PCDH15: variants seen among roughly 807,000 people sequenced by gnomAD.
The protein encoded by PCDH15 is protocadherin related 15.
Under a neutral mutation model 178.5 loss-of-function variants are expected in PCDH15, and 129 were observed. The ratio of observed to expected loss-of-function variants is 0.72; its 90% CI spans 0.63 to 0.84. The LOEUF (loss-of-function observed/expected upper bound fraction) is 0.84, where lower values mean the gene tolerates loss of function less well. PCDH15 is among the 40% of genes least tolerant of loss of function. The probability of loss-of-function intolerance (pLI) is 0.00; values close to 1 mark genes in which losing one functional copy is unlikely to be tolerated. For synonymous variants in PCDH15, 800 were observed against 732.0 expected (o/e 1.09, Z -1.50); for missense variants, 2,230 against 2,099.9 (o/e 1.06, Z -1.21).
rs764625426 is a variant in PCDH15 at position 54,213,922 on chromosome 10, T to G, written c.1098+14A>C. 1 of 1,465,082 alleles carries G rather than the reference T, an allele frequency of 6.8e-7. No individual in the cohort carries two copies. The highest frequency in any genetic ancestry group is 1.7e-5 in the Admixed American group (1 of 59,662). The allele number at this position is 1,465,082 out of a possible 1,614,324, so 90.8% of individuals were successfully genotyped here. A position where few individuals can be genotyped will look rare whatever the true frequency, so the allele number is the denominator to read the frequency against. ...TTCATAAACACAAGGAAATAAGATA[T>G]TAGCTTAATTTACCTTAATAACCAA... On this transcript the variant is annotated intron_variant, in intron 10 of 37. Transcript: ENST00000644397.
At chr10:53,875,949 T>G (rs929912880) in intron 26 of PCDH15, among the ~76,000 whole-genome samples, 4 of 152,166 alleles carry the variant, frequency 2.6e-5, no homozygotes, top group African/African-American at 9.6e-5. Context: ...TTCAAACCCA[T>G]TAAAGTTCAG....
intron 8 of PCDH15, among the ~76,000 whole-genome samples, chr10:54,269,806 A>G (rs2057933502): frequency 1.3e-5 from 2 of 152,144 alleles, no homozygotes; most frequent in Non-Finnish European, 1.5e-5. Context: ...TTTAAGTGTA[A>G]CAAACCTACA....
chr10:54,971,779 A>C (rs1473973861), intron 2 of PCDH15, among the ~76,000 whole-genome samples: 1 of 152,244 alleles, frequency 6.6e-6, no homozygotes, highest in Non-Finnish European at 1.5e-5. Context: ...ATGTAAAGGC[A>C]GCCATGGCTA....
At chr10:54,407,561 T>C (rs2000196) in intron 3 of PCDH15, among the ~76,000 whole-genome samples, 124,914 of 151,916 alleles carry the variant, frequency 0.82, 51,661 homozygotes, top group East Asian at 0.99. Flanking sequence ...TTGTCACATG[T>C]TTTTGCTGAA....
At chr10:55,618,806 C>G (rs1256869842) in intron 2 of PCDH15, among the ~76,000 whole-genome samples, 1 of 151,938 alleles carries the variant, frequency 6.6e-6, no homozygotes, top group Non-Finnish European at 1.5e-5. Context: ...CTAAAAAGGC[C>G]TATGAGATAT....
chr10:54,599,682 T>C, intron 2 of PCDH15: 1 of 430,886 alleles, frequency 2.3e-6, no homozygotes, highest in African/African-American at 2.1e-5. Context: ...TACACTAGTC[T>C]CCAGTGAAAG....
chr10:54,199,026 G>A (rs969623677), intron 10 of PCDH15, among the ~76,000 whole-genome samples: 2 of 152,080 alleles, frequency 1.3e-5, no homozygotes, highest in African/African-American at 4.8e-5. Context: ...TTTGCATGAT[G>A]AAAACAAAGT....
intron 2 of PCDH15, among the ~76,000 whole-genome samples, chr10:54,593,573 T>C (rs1020679751): frequency 6.6e-6 from 1 of 152,154 alleles, no homozygotes. Context: ...TTGATTAGAT[T>C]TGTAAATTAT....
chr10:54,703,009 A>T (rs1307949290), intron 1 of PCDH15, among the ~76,000 whole-genome samples: 1 of 152,074 alleles, frequency 6.6e-6, no homozygotes, highest in African/African-American at 2.4e-5. Context: ...ATCCAGCAGC[A>T]TTCTAAAAGC....
intron 3 of PCDH15, among the ~76,000 whole-genome samples, chr10:54,859,273 C>G (rs1206668071): frequency 2.0e-5 from 3 of 152,068 alleles, no homozygotes; most frequent in South Asian, 2.1e-4. Flanking sequence ...CCAAATCTAA[C>G]TAGTAATAGT....
chr10:54,989,224 C>T (rs542670141), intron 2 of PCDH15, among the ~76,000 whole-genome samples: 4 of 152,258 alleles, frequency 2.6e-5, no homozygotes, highest in African/African-American at 9.6e-5. Context: ...AGGGGTGGGG[C>T]CTTCATGAAG....
intron 4 of PCDH15, among the ~76,000 whole-genome samples, chr10:54,375,133 C>T (rs867573052): frequency 6.6e-6 from 1 of 152,066 alleles, no homozygotes; most frequent in South Asian, 2.1e-4. Flanking sequence ...CTCCTTGCTC[C>T]CTGGCTATAG....
intron 25 of PCDH15, among the ~76,000 whole-genome samples, chr10:53,919,666 C>G (rs1291329836): frequency 6.6e-6 from 1 of 152,092 alleles, no homozygotes; most frequent in Non-Finnish European, 1.5e-5. Flanking sequence ...GTAACTATTT[C>G]ACTTTATGGC....
At position 53,804,079 on chromosome 10, in the gene PCDH15, T is replaced by G. The variant is rs1347651537; in HGVS notation, c.*2500A>C. 1 of 151,962 alleles carries G rather than the reference T, an allele frequency of 6.6e-6. No homozygotes were observed. Among genetic ancestry groups the G allele is most frequent in the Non-Finnish European group, 1.5e-5 (1 of 67,878 alleles). The allele number at this position is 151,962 out of a possible 1,614,324, so 9.4% of individuals were successfully genotyped here. On this transcript the variant is annotated 3_prime_UTR_variant, in exon 38 of 38. Transcript: ENST00000644397. ...TAACTATTTAATTGATCCAGATTTA[T>G]TTAGTTAGTAATAATTTTGCTGCTC...
In PCDH15 at chr10:54,394,417, A is replaced by G. The variant is rs190420017; in HGVS notation, c.158-15475T>C. ...CCTGGGCGTCCAGGGGAGACATCACATGTCGGTACGTTCCGTGATGCCCCA... is the reference window on the plus strand; with the variant it reads ...CCTGGGCGTCCAGGGGAGACATCACGTGTCGGTACGTTCCGTGATGCCCCA... On this transcript the variant is annotated intron_variant, in intron 3 of 37. Transcript: ENST00000644397. Among the ~76,000 whole-genome samples, 371 of 151,688 alleles carry G rather than the reference A, an allele frequency of 2.4e-3. 1 individual carries two copies. Among genetic ancestry groups the G allele is most frequent in the South Asian group, 5.4e-3 (26 of 4,818 alleles).
chr10:54,795,832 C>T (rs1024489068), intron 1 of PCDH15, among the ~76,000 whole-genome samples: 1 of 151,806 alleles, frequency 6.6e-6, no homozygotes, highest in African/African-American at 2.4e-5. Flanking sequence ...GATGACAATG[C>T]TTTTGCTTTC....
At chr10:53,886,319 G>T (rs1176369397) in intron 26 of PCDH15, among the ~76,000 whole-genome samples, 1 of 152,110 alleles carries the variant, frequency 6.6e-6, no homozygotes, top group Non-Finnish European at 1.5e-5. Context: ...TGGTTACACA[G>T]CCCACTCATG....
chr10:54,753,122 A>G (rs1392142220), intron 1 of PCDH15, among the ~76,000 whole-genome samples: 2 of 152,210 alleles, frequency 1.3e-5, no homozygotes, highest in African/African-American at 4.8e-5. Context: ...TCCATGGTAT[A>G]TATTATAAAG....
intron 18 of PCDH15, among the ~76,000 whole-genome samples, chr10:54,048,464 C>G (rs2093699570): frequency 6.6e-6 from 1 of 152,060 alleles, no homozygotes. Flanking sequence ...TTAGTCATAA[C>G]TTCTTTGCCA....
Sources: gnomAD v4.1 joint callset for allele counts (sites outside exome capture counted in the v4.1 genomes callset) on GRCh38, gnomAD v4.1.1 for gene constraint, MANE v1.5 for transcripts, NCBI Gene and HGNC (gene_info 2026-07-23, HGNC 2026-07-21) for gene names.